The following MYH13 variants were observed in gnomAD, a reference collection of about 807,000 sequenced individuals.
MYH13 encodes the protein myosin-13.
A neutral mutation model predicts 232.1 loss-of-function variants in MYH13; 177 were observed. The ratio of observed to expected loss-of-function variants is 0.76; its 90% CI spans 0.67 to 0.86. MYH13 has a LOEUF of 0.86. Among genes scored for constraint, MYH13 ranks in the 40% least tolerant of loss-of-function variants. MYH13 has a pLI of 0.00. For missense variants in MYH13, 2,246 were observed against 2,405.9 expected (o/e 0.93, Z 1.39); for synonymous variants, 884 against 923.5 (o/e 0.96, Z 0.78).
At chr17:10,318,675 G>C in intron 27 of MYH13, 115 bp downstream of exon 27, 1 of 1,342,768 alleles carries the variant, frequency 7.4e-7, no homozygotes, top group Non-Finnish European at 1.0e-6. Context: ...AAATAGGGAA[G>C]AGGGTTTCAG....
rs370658920 is a variant in MYH13, at chr17:10,301,697, G to A, written c.5674C>T (p.Gln1892Ter). Residue 1892 changes from glutamine to a stop codon, truncating the protein, a stop_gained, in exon 40 of 41, where the codon CAG becomes TAG. Coordinates refer to ENST00000252172, the MANE Select transcript of MYH13 (RefSeq NM_003802.3). LOFTEE classifies it high-confidence loss of function. Reference protein sequence around the residue: ...YKRQAEEAEEQANTQLSRCRR... With the variant: ...YKRQAEEAEE Reference sequence around the variant, plus strand: ...CATCTGGACAGCTGCGTGTTGGCCTGCTCCTCCTGCACAGGAGACAGAGGG... The same window carrying A: ...CATCTGGACAGCTGCGTGTTGGCCTACTCCTCCTGCACAGGAGACAGAGGG... The A allele has an allele frequency of 4.3e-6, 7 of 1,613,360 alleles. No homozygotes were observed. The African/African-American group carries it at 8.0e-5, about 18-fold the overall frequency.
At chr17:10,349,393 C>T (rs1488771124) in intron 12 of MYH13, among the ~76,000 whole-genome samples, 3 of 151,896 alleles carry the variant, frequency 2.0e-5, no homozygotes. Flanking sequence ...AGCTGCTGTG[C>T]CCAGCCTGCT....
At chr17:10,349,652 G>C (rs1347767463) in intron 12 of MYH13, among the ~76,000 whole-genome samples, 4 of 152,016 alleles carry the variant, frequency 2.6e-5, no homozygotes, top group Non-Finnish European at 5.9e-5. Flanking sequence ...AGTGGAACCT[G>C]TACAACTCCC....
rs544347358 is a variant in MYH13, at chr17:10,308,919, T to G, written c.5169+315A>C. Among the ~76,000 whole-genome samples, 6 of 152,346 alleles carry G rather than the reference T, an allele frequency of 3.9e-5. No individual in the cohort carries two copies. In the East Asian group the frequency reaches 1.2e-3, roughly 29 times the overall value. On this transcript the variant is annotated intron_variant, in intron 35 of 40. Transcript: ENST00000252172. Reference sequence around the variant, plus strand: ...ATTTTGAAATAAAATCTTAATATTCTAAGGTTTCCACTTAAATAGTACTTC... The same window carrying G: ...ATTTTGAAATAAAATCTTAATATTCGAAGGTTTCCACTTAAATAGTACTTC...
chr17:10,350,656 T>G lies in MYH13; in HGVS notation c.1044A>C (p.Lys348Asn). Residue 348 changes from lysine (K) to asparagine (N), a missense_variant, in exon 12 of 41, where the codon AAA becomes AAC. Lys to Asn is a moderately conservative substitution (Grantham distance 94). Coordinates refer to ENST00000252172, the MANE Select transcript of MYH13 (RefSeq NM_003802.3). ...CTCCCGTCAGTTTGTAGATCCCGAC[T>G]TTCTCCTCTGAGCTGAAGCCCAGGA... ...IDILGFSSEE[K>N]VGIYKLTGAV... 1.2e-6 allele frequency: 2 copies of G among 1,613,742 alleles called. No individual in the cohort carries two copies. The highest frequency in any genetic ancestry group is 1.6e-4 in the Middle Eastern group (1 of 6,062).
Position 10,327,958 on chromosome 17 carries a change from G to T in MYH13, c.2599C>A (p.Leu867Met), listed in dbSNP as rs1907272600. Residue 867 changes from leucine (L) to methionine (M), a missense_variant, in exon 22 of 41, where the codon CTG (leucine) becomes ATG (methionine). By Grantham distance (15) the Leu-to-Met change is conservative. Coordinates refer to ENST00000252172, the MANE Select transcript of MYH13 (RefSeq NM_003802.3). ...TTCCGGCGAGCCTCAGATCGGGCCA[G>T]TTCTTCCTTGGTCCTCTCAAAGTCT... is the stretch of plus-strand genomic sequence containing the variant. ...KEDFERTKEE[L>M]ARSEARRKEL... 1.9e-6 allele frequency: 3 copies of T among 1,613,994 alleles called. No homozygotes were observed. Among genetic ancestry groups the T allele is most frequent in the African/African-American group, 2.7e-5 (2 of 74,914 alleles).
In MYH13 at chr17:10,340,077, C is replaced by G. The variant is rs755065909; in HGVS notation, c.2056+73G>C. 111 of 1,312,006 alleles carry G rather than the reference C, an allele frequency of 8.5e-5. 1 individual carries two copies. The South Asian group carries it at 1.3e-3, about 16-fold the overall frequency. The allele number at this position is 1,312,006 out of a possible 1,614,324, so 81.3% of individuals were successfully genotyped here. The stretch of plus-strand genomic sequence containing the variant: ...GACCATCACTCTTTCCAAACGCACA[C>G]CCACAGAATTTTGCATTTATCTCAG... On this transcript the variant is annotated intron_variant, in intron 18 of 40. Coordinates refer to ENST00000252172, the MANE Select transcript of MYH13 (RefSeq NM_003802.3).
chr17:10,336,989 C>A (rs2071580810), intron 18 of MYH13, among the ~76,000 whole-genome samples: 1 of 151,268 alleles, frequency 6.6e-6, no homozygotes, highest in Admixed American at 6.6e-5. Context: ...GCAGTCTCGG[C>A]TCACTGCACC....
intron 22 of MYH13, among the ~76,000 whole-genome samples, chr17:10,325,897 G>A (rs1056566198): frequency 2.0e-5 from 3 of 152,100 alleles, no homozygotes; most frequent in African/African-American, 4.8e-5. Flanking sequence ...GGATGGTTTC[G>A]ATCTCTTGAT....
rs753586498 is a variant in MYH13, at chr17:10,362,260, G to T, written c.363C>A (p.Leu121=). The change falls in exon 5 of 41, where the codon CTC becomes CTA. Residue 121 remains leucine, a synonymous_variant. Transcript: ENST00000252172. ...AAWMIYTYSG[L]FCVTVNPYKW... ...TGTAGGGGTTGACGGTGACACAGAAGAGGCCTGAGTAGGTCTGGGAAGATC... is the reference window on the plus strand; with the variant it reads ...TGTAGGGGTTGACGGTGACACAGAATAGGCCTGAGTAGGTCTGGGAAGATC... 1 of 1,613,738 alleles carries T rather than the reference G, an allele frequency of 6.2e-7. No individual in the cohort carries two copies. The highest frequency in any genetic ancestry group is 8.5e-7 in the Non-Finnish European group (1 of 1,179,640).
intron 26 of MYH13, 83 bp from the exon 27 acceptor site, chr17:10,319,262 G>C: frequency 1.4e-5 from 21 of 1,467,864 alleles, no homozygotes; most frequent in Non-Finnish European, 1.9e-5. Context: ...GAGGAATTGC[G>C]GGTAGGCAGC....
At position 10,333,140 on chromosome 17, in the gene MYH13, A is replaced by G. The variant is rs761768181; in HGVS notation, c.2108T>C (p.Leu703Pro). Residue 703 changes from leucine to proline, a missense_variant, in exon 19 of 41, where the codon CTC becomes CCC. Coordinates refer to ENST00000252172, the MANE Select transcript of MYH13 (RefSeq NM_003802.3). ...VMHQLRCNGV[L>P]EGIRICRKGF... ...CTTCCTGCAAATCCGGATGCCCTCG[A>G]GGACCCCGTTACAGCGCAGCTGGTG... The G allele has an allele frequency of 1.3e-6, 2 of 1,551,952 alleles. No individual in the cohort carries two copies. The highest frequency in any genetic ancestry group is 1.7e-6 in the Non-Finnish European group (2 of 1,147,100).
chr17:10,314,272 G>C (rs963208034), intron 29 of MYH13, among the ~76,000 whole-genome samples: 3 of 151,940 alleles, frequency 2.0e-5, no homozygotes, highest in East Asian at 1.9e-4. Context: ...ATACAAAACC[G>C]GGCATGGTGG....
At chr17:10,325,510 T>G (rs567745930) in intron 22 of MYH13, among the ~76,000 whole-genome samples, 2 of 152,118 alleles carry the variant, frequency 1.3e-5, no homozygotes, top group Non-Finnish European at 2.9e-5. Context: ...CTATGTCTCC[T>G]TAGCTGTGTC....
chr17:10,314,789 G>A (rs143036533), intron 29 of MYH13, among the ~76,000 whole-genome samples: 3 of 152,312 alleles, frequency 2.0e-5, no homozygotes, highest in African/African-American at 7.2e-5. Context: ...AGTACCTACT[G>A]TGTGCACTGT....
intron 2 of MYH13, among the ~76,000 whole-genome samples, chr17:10,367,712 G>A (rs949176887): frequency 6.6e-6 from 1 of 152,202 alleles, no homozygotes; most frequent in Admixed American, 6.5e-5. Context: ...GAGAAGGGTA[G>A]TGTTTTCATT....
intron 16 of MYH13, 110 bp downstream of exon 16, chr17:10,343,687 ACAT>A: frequency 8.3e-7 from 1 of 1,199,542 alleles, no homozygotes; most frequent in Non-Finnish European, 1.1e-6. Context: ...TGAAAGAGAA[ACAT>A]CATACTCAGC....
At chr17:10,312,497 AT>A in intron 31 of MYH13, 76 bp downstream of exon 31, 3 of 1,471,424 alleles carry the variant, frequency 2.0e-6, no homozygotes, top group Admixed American at 4.7e-5. Context: ...AAATTCAGGT[AT>A]TTTCATGTAA....
At chr17:10,305,209 G>C (rs892548782) in intron 37 of MYH13, among the ~76,000 whole-genome samples, 3 of 152,180 alleles carry the variant, frequency 2.0e-5, no homozygotes, top group Non-Finnish European at 4.4e-5. Flanking sequence ...CACCATGGGA[G>C]GGGGAGGGTG....
Sources: gnomAD v4.1 joint callset for allele counts (sites outside exome capture counted in the v4.1 genomes callset) on GRCh38, gnomAD v4.1.1 for gene constraint, MANE v1.5 for transcripts, NCBI Gene and HGNC (gene_info 2026-07-23, HGNC 2026-07-21) for gene names.